MARK3: variants seen among roughly 807,000 people sequenced by gnomAD.
MARK3 encodes the protein microtubule affinity regulating kinase 3.
In MARK3, 46 loss-of-function variants were observed where a neutral mutation model predicts 90.1. The ratio of observed to expected loss-of-function variants is 0.51; its 90% CI spans 0.40 to 0.65. The LOEUF is 0.65. Among genes scored for constraint, MARK3 ranks in the 30% least tolerant of loss-of-function variants. The probability of loss-of-function intolerance (pLI) is 0.00; values close to 1 mark genes in which losing one functional copy is unlikely to be tolerated. For missense variants in MARK3, 818 were observed against 947.2 expected, an observed-to-expected ratio of 0.86 and a Z score of 1.79; for synonymous variants, 321 against 332.6, an observed-to-expected ratio of 0.97 and a Z score of 0.38.
At chr14:103,491,366 T>C in intron 14 of MARK3, 1 of 211,568 alleles carries the variant, frequency 4.7e-6, no homozygotes. Flanking sequence ...TTTATACATA[T>C]ATCATTTGTT....
Position 103,400,943 on chromosome 14 carries a change from T to TTGTGTGTGTGTG in MARK3, c.52-4105_52-4094dup, listed in dbSNP as rs61635275. On this transcript the variant is annotated intron_variant, in intron 1 of 17. Transcript: ENST00000429436. ...AGTTATCAAAGAATTATATAACATT[T>TTGTGTGTGTGTG]TGTGTGTGTGTGTGTGTGTGTGTGT... Among the ~76,000 whole-genome samples the TTGTGTGTGTGTG allele has an allele frequency of 6.6e-3, 814 of 123,530 alleles. 11 individuals are homozygous for TTGTGTGTGTGTG. The highest frequency in any genetic ancestry group is 0.019 in the African/African-American group (603 of 32,348). 81.0% of individuals were successfully genotyped at this position (123,530 alleles called of 152,430 possible). A position where few individuals can be genotyped will look rare whatever the true frequency, so the allele number is the denominator to read the frequency against.
intron 12 of MARK3, among the ~76,000 whole-genome samples, chr14:103,468,514 G>A (rs926070203): frequency 9.3e-5 from 14 of 151,284 alleles, no homozygotes; most frequent in Non-Finnish European, 1.6e-4. Flanking sequence ...TAGTAGAGAC[G>A]GGGTTTCACC....
At chr14:103,467,817 G>A (rs1206264134) in intron 11 of MARK3, 1 of 413,252 alleles carries the variant, frequency 2.4e-6, no homozygotes, top group African/African-American at 2.1e-5. Flanking sequence ...GAGAAAGCCT[G>A]GAAAGAAAAT....
At chr14:103,445,155 A>G (rs2092962257) in intron 3 of MARK3, among the ~76,000 whole-genome samples, 1 of 152,156 alleles carries the variant, frequency 6.6e-6, no homozygotes, top group Admixed American at 6.5e-5. Context: ...GGCAACCCAC[A>G]ATGAGAATCC....
chr14:103,406,151 C>T (rs1248165484), intron 2 of MARK3, among the ~76,000 whole-genome samples: 4 of 151,968 alleles, frequency 2.6e-5, no homozygotes, highest in Non-Finnish European at 5.9e-5. Flanking sequence ...CTGCCTCAAC[C>T]TCCCAGAGTG....
intron 1 of MARK3, among the ~76,000 whole-genome samples, chr14:103,395,021 C>G (rs1345869327): frequency 6.6e-6 from 1 of 152,142 alleles, no homozygotes; most frequent in Non-Finnish European, 1.5e-5. Flanking sequence ...CTCAAGTGAT[C>G]CACCTGCCTC....
chr14:103,438,336 A>G (rs536580768), intron 3 of MARK3, among the ~76,000 whole-genome samples: 1 of 152,324 alleles, frequency 6.6e-6, no homozygotes, highest in East Asian at 1.9e-4. Context: ...TCTTATAGGT[A>G]AGTAGGTTAA....
At chr14:103,440,699 G>A (rs2092828298) in intron 3 of MARK3, among the ~76,000 whole-genome samples, 1 of 152,138 alleles carries the variant, frequency 6.6e-6, no homozygotes, top group Admixed American at 6.6e-5. Flanking sequence ...TTGGGAGCCT[G>A]AGATGGGAAG....
intron 1 of MARK3, among the ~76,000 whole-genome samples, chr14:103,390,044 C>T (rs542691006): frequency 2.0e-5 from 3 of 150,412 alleles, no homozygotes; most frequent in African/African-American, 7.3e-5. Flanking sequence ...GTCAGGAGAT[C>T]GAGACCATCC....
At chr14:103,457,416 G>A (rs1245814839) in intron 6 of MARK3, among the ~76,000 whole-genome samples, 2 of 152,148 alleles carry the variant, frequency 1.3e-5, no homozygotes, top group Non-Finnish European at 2.9e-5. Context: ...TCCTAGCTTT[G>A]TAATGGGAGC....
intron 3 of MARK3, among the ~76,000 whole-genome samples, chr14:103,440,659 A>T (rs2092827626): frequency 1.3e-5 from 2 of 152,150 alleles, no homozygotes; most frequent in African/African-American, 4.8e-5. Context: ...TTGGCCAGGC[A>T]TAGTGGCTTC....
At chr14:103,394,457 AT>A (rs2090454592) in intron 1 of MARK3, among the ~76,000 whole-genome samples, 1 of 152,082 alleles carries the variant, frequency 6.6e-6, no homozygotes, top group African/African-American at 2.4e-5. Flanking sequence ...GGGGCATCCA[AT>A]TTTGTCTTCA....
At chr14:103,413,710 G>A (rs948900138) in intron 2 of MARK3, among the ~76,000 whole-genome samples, 5 of 151,734 alleles carry the variant, frequency 3.3e-5, no homozygotes, top group Non-Finnish European at 7.4e-5. Context: ...CGCCTGCCTC[G>A]GCCTCCCAAA....
chr14:103,420,078 GA>G (rs2140945167), intron 2 of MARK3, among the ~76,000 whole-genome samples: 1 of 152,164 alleles, frequency 6.6e-6, no homozygotes, highest in South Asian at 2.1e-4. Flanking sequence ...TTCCATATAA[GA>G]TATAGAATAC....
Position 103,465,702 on chromosome 14 carries a change from A to G in MARK3, c.686A>G (p.Tyr229Cys). Residue 229 changes from tyrosine to cysteine, a missense_variant, in exon 8 of 18, where the codon TAT becomes TGT. Around this residue, in one of 3 missense-constraint regions of MARK3, gnomAD observed 101 missense variants for 175.1 expected, o/e 0.58. Transcript: ENST00000429436. ...AAPELFQGKK[Y>C]DGPEVDVWSL... Reference sequence around the variant, plus strand: ...CCTGAGCTCTTCCAGGGCAAGAAATATGACGGGCCAGAAGTGGATGTGTGG... The same window carrying G: ...CCTGAGCTCTTCCAGGGCAAGAAATGTGACGGGCCAGAAGTGGATGTGTGG... 2 of 1,614,182 alleles carry G rather than the reference A, an allele frequency of 1.2e-6. No homozygotes were observed. The highest frequency in any genetic ancestry group is 1.1e-5 in the South Asian group (1 of 91,086).
chr14:103,406,100 T>C (rs2091277844), intron 2 of MARK3, among the ~76,000 whole-genome samples: 1 of 151,822 alleles, frequency 6.6e-6, no homozygotes, highest in African/African-American at 2.4e-5. Flanking sequence ...CTCACCGTGT[T>C]GCCCAGGCTG....
At chr14:103,446,115 A>G (rs1343943534) in intron 3 of MARK3, among the ~76,000 whole-genome samples, 1 of 152,242 alleles carries the variant, frequency 6.6e-6, no homozygotes, top group Non-Finnish European at 1.5e-5. Flanking sequence ...AAGACATCCC[A>G]GGAAAGAAGT....
In MARK3 at chr14:103,452,540, C is replaced by T. The variant is rs940795152; in HGVS notation, c.412+557C>T. ...AGGCTGGAGTGCAGTGGCGCGATCTCGGCTCACTGCAAGCTCCGCCTCCCG... is the reference window on the plus strand; with the variant it reads ...AGGCTGGAGTGCAGTGGCGCGATCTTGGCTCACTGCAAGCTCCGCCTCCCG... On this transcript the variant is annotated intron_variant, in intron 5 of 17. Transcript: ENST00000429436. Among the ~76,000 whole-genome samples the T allele has an allele frequency of 1.9e-4, 26 of 136,692 alleles. No homozygotes were observed. In the South Asian group the frequency reaches 5.4e-3, roughly 28 times the overall value. 89.7% of individuals were successfully genotyped at this position (136,692 alleles called of 152,430 possible). A position where few individuals can be genotyped will look rare whatever the true frequency, so the allele number is the denominator to read the frequency against.
At chr14:103,465,176 C>T (rs2093479557) in intron 7 of MARK3, among the ~76,000 whole-genome samples, 1 of 152,166 alleles carries the variant, frequency 6.6e-6, no homozygotes, top group Non-Finnish European at 1.5e-5. Context: ...CCATGTTGGC[C>T]AGGCTGGTCT....
Sources: gnomAD v4.1 joint callset for allele counts (sites outside exome capture counted in the v4.1 genomes callset) on GRCh38, gnomAD v4.1.1 for gene constraint, gnomAD v4.1.1 regional missense constraint, MANE v1.5 for transcripts, NCBI Gene and HGNC (gene_info 2026-07-23, HGNC 2026-07-21) for gene names.